Variants in ANKS1B observed in about 807,000 individuals in gnomAD.
The protein encoded by ANKS1B is ankyrin repeat and sterile alpha motif domain-containing protein 1B.
Under a neutral mutation model 148.3 loss-of-function variants are expected in ANKS1B, and 36 were observed. The observed-to-expected ratio is 0.24, with a 90% CI of 0.19 to 0.32. ANKS1B has a LOEUF of 0.32. Ranked by LOEUF, ANKS1B falls within the 10% of genes least tolerant of loss-of-function variation. ANKS1B has a pLI of 1.00. For missense variants in ANKS1B, 1,157 were observed against 1,542.6 expected (o/e 0.75, Z 4.19); for synonymous variants, 542 against 560.8 (o/e 0.97, Z 0.47).
intron 12 of ANKS1B, among the ~76,000 whole-genome samples, chr12:99,322,233 C>T (rs2085412444): frequency 6.6e-6 from 1 of 151,894 alleles, no homozygotes; most frequent in African/African-American, 2.4e-5. Flanking sequence ...AAGCCATCAT[C>T]CTCAGTAAAC....
At chr12:99,012,604 T>C (rs952168332) in intron 17 of ANKS1B, among the ~76,000 whole-genome samples, 1 of 152,168 alleles carries the variant, frequency 6.6e-6, no homozygotes, top group Non-Finnish European at 1.5e-5. Flanking sequence ...GTATTTCCCA[T>C]CATATGTTTA....
chr12:99,894,661 T>A (rs2093316634), intron 1 of ANKS1B, among the ~76,000 whole-genome samples: 1 of 141,518 alleles, frequency 7.1e-6, no homozygotes, highest in Non-Finnish European at 1.6e-5. Context: ...CACTATTCAA[T>A]AAATTACATA....
At chr12:98,885,992 A>G (rs1284965984) in intron 17 of ANKS1B, among the ~76,000 whole-genome samples, 1 of 152,042 alleles carries the variant, frequency 6.6e-6, no homozygotes, top group Non-Finnish European at 1.5e-5. Context: ...AAGCATTCTA[A>G]GGGAGGGAGG....
chr12:99,026,964 T>A (rs2099949109), intron 17 of ANKS1B, among the ~76,000 whole-genome samples: 1 of 152,202 alleles, frequency 6.6e-6, no homozygotes, highest in East Asian at 1.9e-4. Flanking sequence ...CGGGGATGAA[T>A]CCTTTTGTAA....
rs796341933 is a variant in ANKS1B at position 99,723,398 on chromosome 12, T to C, written c.1128+49524A>G. Among the ~76,000 whole-genome samples, 98 of 152,198 alleles carry C rather than the reference T, an allele frequency of 6.4e-4. 1 individual carries two copies. The highest frequency in any genetic ancestry group is 2.3e-3 in the African/African-American group (95 of 41,550). On this transcript the variant is annotated intron_variant, in intron 8 of 26. Coordinates refer to ENST00000683438, the MANE Select transcript of ANKS1B (RefSeq NM_001352186.2). ...GGCAGACTGTGGCCAGAGTGCCTCTTCAGGCCTGACACTGACCCATCCCTC... is the reference window on the plus strand; with the variant it reads ...GGCAGACTGTGGCCAGAGTGCCTCTCCAGGCCTGACACTGACCCATCCCTC...
At chr12:99,771,046 T>G (rs1416631859) in intron 8 of ANKS1B, among the ~76,000 whole-genome samples, 1 of 152,074 alleles carries the variant, frequency 6.6e-6, no homozygotes, top group Admixed American at 6.6e-5. Flanking sequence ...TTCCCCAAAC[T>G]ATTATCACTC....
At chr12:98,952,754 C>A (rs1036279500) in intron 17 of ANKS1B, among the ~76,000 whole-genome samples, 1 of 152,198 alleles carries the variant, frequency 6.6e-6, no homozygotes, top group African/African-American at 2.4e-5. Context: ...TATCTAAATC[C>A]AAACTCATCA....
chr12:99,280,972 T>C (rs76983592), intron 12 of ANKS1B, among the ~76,000 whole-genome samples: 3,635 of 151,988 alleles, frequency 0.024, 140 homozygotes, highest in African/African-American at 0.083. Context: ...CTATTGGTTC[T>C]GTTTCTCTGG....
chr12:99,507,142 T>C (rs12303190), intron 9 of ANKS1B, among the ~76,000 whole-genome samples: 2,428 of 152,054 alleles, frequency 0.016, 77 homozygotes, highest in African/African-American at 0.055. Context: ...TCAGTTAATA[T>C]TGTTCACCAG....
chr12:99,810,158 G>A (rs907312644), intron 3 of ANKS1B, among the ~76,000 whole-genome samples: 2 of 151,980 alleles, frequency 1.3e-5, no homozygotes, highest in Non-Finnish European at 2.9e-5. Flanking sequence ...GTAACACGTG[G>A]CCTTCGACAA....
rs2088260850 is a variant in ANKS1B, at chr12:99,334,185, G to GATAGATAGATAC, written c.1756+65445_1756+65446insGTATCTATCTAT. On this transcript the variant is annotated intron_variant, in intron 12 of 26. Coordinates refer to ENST00000683438, the MANE Select transcript of ANKS1B (RefSeq NM_001352186.2). ...AGACAGACAGACAGACAGACAGATAGATAGATACATAGATACATAGATACA... is the reference window on the plus strand; with the variant it reads ...AGACAGACAGACAGACAGACAGATAGATAGATAGATACATAGATACATAGATACATAGATACA... Among the ~76,000 whole-genome samples, 3 of 150,372 alleles carry GATAGATAGATAC rather than the reference G, an allele frequency of 2.0e-5. No individual in the cohort carries two copies. In the South Asian group the frequency reaches 6.3e-4, roughly 31 times the overall value.
intron 17 of ANKS1B, among the ~76,000 whole-genome samples, chr12:99,004,092 G>A (rs746463949): frequency 2.0e-5 from 3 of 152,134 alleles, no homozygotes; most frequent in African/African-American, 7.2e-5. Flanking sequence ...ATATAGGTCC[G>A]CCATTCTGTG....
chr12:99,089,484 C>T (rs868113712), intron 15 of ANKS1B, among the ~76,000 whole-genome samples: 11 of 152,170 alleles, frequency 7.2e-5, no homozygotes, highest in Non-Finnish European at 1.6e-4. Context: ...TATTGGACAA[C>T]AAAGATACAG....
At chr12:99,113,448 T>A (rs1407930207) in intron 15 of ANKS1B, among the ~76,000 whole-genome samples, 2 of 152,170 alleles carry the variant, frequency 1.3e-5, no homozygotes, top group Non-Finnish European at 2.9e-5. Flanking sequence ...TCAAAGAGGA[T>A]GAAAAATGAT....
intron 14 of ANKS1B, among the ~76,000 whole-genome samples, chr12:99,185,797 A>C (rs1489689016): frequency 1.3e-5 from 2 of 152,198 alleles, no homozygotes; most frequent in African/African-American, 2.4e-5. Flanking sequence ...CCTGGGTTTC[A>C]AGCATAAAAT....
At chr12:99,172,032 G>T (rs1008059908) in intron 14 of ANKS1B, among the ~76,000 whole-genome samples, 3 of 152,156 alleles carry the variant, frequency 2.0e-5, no homozygotes, top group African/African-American at 7.2e-5. Context: ...CTTGGATAGA[G>T]AGCTTATAGA....
At chr12:99,897,878 A>T (rs570558457) in intron 1 of ANKS1B, among the ~76,000 whole-genome samples, 12 of 150,582 alleles carry the variant, frequency 8.0e-5, no homozygotes, top group Non-Finnish European at 3.0e-5. Context: ...AACCCTGAAA[A>T]CTACCATCCA....
chr12:99,015,693 C>T (rs755345662), intron 17 of ANKS1B, among the ~76,000 whole-genome samples: 2 of 151,958 alleles, frequency 1.3e-5, no homozygotes, highest in Non-Finnish European at 2.9e-5. Flanking sequence ...GATGAAACAC[C>T]GTCTCTATTA....
intron 1 of ANKS1B, among the ~76,000 whole-genome samples, chr12:99,826,221 C>T (rs117030728): frequency 6.6e-6 from 1 of 152,236 alleles, no homozygotes; most frequent in Non-Finnish European, 1.5e-5. Context: ...TTGAGCTAGG[C>T]ACTGGGAGCA....
Sources: allele counts gnomAD v4.1 joint callset (sites outside exome capture counted in the v4.1 genomes callset), GRCh38; gene constraint gnomAD v4.1.1; transcripts MANE v1.5; gene names NCBI Gene and HGNC (gene_info 2026-07-23, HGNC 2026-07-21).